MEG3: variants seen among roughly 807,000 people sequenced by gnomAD.
MEG3 encodes maternally expressed 3.
At chr14:100,836,852 T>A (rs747776683) in intron 2 of MEG3, among the ~76,000 whole-genome samples, 20 of 152,334 alleles carry the variant, frequency 1.3e-4, no homozygotes, top group Middle Eastern at 3.4e-3. Flanking sequence ...CAAGTTCTTC[T>A]CTTTCCTCCT....
At chr14:100,836,845 G>A (rs2037599716) in intron 2 of MEG3, among the ~76,000 whole-genome samples, 2 of 152,162 alleles carry the variant, frequency 1.3e-5, no homozygotes, top group Non-Finnish European at 2.9e-5. Flanking sequence ...TTTTGAGCAA[G>A]TTCTTCTCTT....
At chr14:100,840,718 A>T (rs1595278385) in intron 2 of MEG3, among the ~76,000 whole-genome samples, 1 of 152,328 alleles carries the variant, frequency 6.6e-6, no homozygotes, top group African/African-American at 2.4e-5. Context: ...TTTCTTAGCA[A>T]AGGGGAATCA....
At chr14:100,842,578 G>T (rs931397296) in intron 2 of MEG3, among the ~76,000 whole-genome samples, 1 of 152,206 alleles carries the variant, frequency 6.6e-6, no homozygotes, top group African/African-American at 2.4e-5. Context: ...CAACAGGTAG[G>T]AAGTACGAGA....
At chr14:100,860,784 C>T (rs965032152) in exon 2 of MEG3, 5 of 445,202 alleles carry the variant, frequency 1.1e-5, no homozygotes, top group African/African-American at 4.0e-5. Flanking sequence ...AGTAGAGACC[C>T]GCCCTCTGAC....
Position 100,837,473 on chromosome 14 carries a change from C to T in MEG3, n.3045+1173C>T, listed in dbSNP as rs2037620080. On this transcript the variant is annotated intron_variant and non_coding_transcript_variant, in intron 2 of 3. Transcript: ENST00000398461. The surrounding 1 kb of genome is among the most constrained non-coding windows in gnomAD (Gnocchi z 5.8). The stretch of plus-strand genomic sequence containing the variant: ...GTGGGGTGAGGCTGGCTCCATTCCC[C>T]CAGACATTTATGGAGGCTTGAGGGG... 6.6e-6 allele frequency among the ~76,000 whole-genome samples: 1 copy of T among 152,164 alleles called. No individual in the cohort carries two copies. Among genetic ancestry groups the T allele is most frequent in the South Asian group, 2.1e-4 (1 of 4,834 alleles).
chr14:100,854,018 TG>T (rs1349315088), upstream of MEG3: 2 of 152,110 alleles, frequency 1.3e-5, no homozygotes, highest in East Asian at 3.9e-4. Context: ...GATAAGAGGG[TG>T]GAAGGATAGG....
intron 1 of MEG3, chr14:100,835,966 A>C: frequency 3.0e-6 from 1 of 329,832 alleles, no homozygotes; most frequent in Non-Finnish European, 5.8e-6. Context: ...CTCCCCACTC[A>C]GTTCTGGATT....
chr14:100,859,654 C>T (rs976822195), exon 1 of MEG3: 6 of 146,434 alleles, frequency 4.1e-5, no homozygotes, highest in African/African-American at 1.2e-4. Flanking sequence ...TCCAGAAAAC[C>T]GGGGGTGGAG....
At chr14:100,828,445 C>T (rs2037310167) in intron 1 of MEG3, among the ~76,000 whole-genome samples, 1 of 146,680 alleles carries the variant, frequency 6.8e-6, no homozygotes, top group South Asian at 2.2e-4. Context: ...TTTCCTCTTC[C>T]CTCCTCCCTC....
At chr14:100,840,923 C>T (rs1345750075) in intron 2 of MEG3, among the ~76,000 whole-genome samples, 1 of 152,216 alleles carries the variant, frequency 6.6e-6, no homozygotes, top group African/African-American at 2.4e-5. Context: ...CCTTCTGCCA[C>T]CCCAGCCCTT....
intron 3 of MEG3, chr14:100,848,799 G>C (rs2037989401): frequency 6.6e-6 from 1 of 151,988 alleles, no homozygotes; most frequent in Admixed American, 6.5e-5. Context: ...AAAGGAGTGA[G>C]GAATGGGAAA....
At chr14:100,843,246 C>A (rs201815256) in intron 2 of MEG3, among the ~76,000 whole-genome samples, 1 of 152,086 alleles carries the variant, frequency 6.6e-6, no homozygotes, top group Non-Finnish European at 1.5e-5. Context: ...CAAAAAAGAA[C>A]AAAACAAAAA....
chr14:100,832,916 G>A (rs948503731), downstream of MEG3: 1 of 152,264 alleles, frequency 6.6e-6, no homozygotes, highest in Non-Finnish European at 1.5e-5. Context: ...GACTGGGGGG[G>A]CCACTGGTGA....
At chr14:100,843,657 G>A (rs1042827459) in intron 2 of MEG3, among the ~76,000 whole-genome samples, 1 of 152,120 alleles carries the variant, frequency 6.6e-6, no homozygotes, top group African/African-American at 2.4e-5. Context: ...CCGGGTCTTG[G>A]ACATCCTGGC....
At chr14:100,840,564 C>T (rs1281580418) in intron 2 of MEG3, among the ~76,000 whole-genome samples, 1 of 152,142 alleles carries the variant, frequency 6.6e-6, no homozygotes, top group East Asian at 1.9e-4. Flanking sequence ...GTGTGTGTTC[C>T]CTCCCAGGGG....
upstream of MEG3, chr14:100,852,639 G>A (rs966871555): frequency 3.2e-6 from 1 of 315,388 alleles, no homozygotes; most frequent in Admixed American, 4.2e-5. Context: ...GTTCAGGGCA[G>A]AAGAAGACCG....
chr14:100,838,851 C>G (rs548837442), intron 2 of MEG3, among the ~76,000 whole-genome samples: 1 of 152,094 alleles, frequency 6.6e-6, no homozygotes, highest in African/African-American at 2.4e-5. Context: ...ACCCCTCATT[C>G]GCTCACTCGC....
intron 2 of MEG3, among the ~76,000 whole-genome samples, chr14:100,839,983 T>C (rs1344877873): frequency 6.6e-6 from 1 of 152,184 alleles, no homozygotes; most frequent in African/African-American, 2.4e-5. Context: ...TGATGAGGAC[T>C]TGGGACATAT....
chr14:100,849,858 A>G (rs1348990911), intron 3 of MEG3: 1 of 152,238 alleles, frequency 6.6e-6, no homozygotes, highest in East Asian at 1.9e-4. Flanking sequence ...AGGTTGTCTG[A>G]ACAGGGATTA....
Sources: gnomAD v4.1 joint callset for allele counts (sites outside exome capture counted in the v4.1 genomes callset) on GRCh38, gnomAD v4.1.1 for gene constraint, Gnocchi (gnomAD v3.1) non-coding constraint, MANE v1.5 for transcripts, NCBI Gene and HGNC (gene_info 2026-07-23, HGNC 2026-07-21) for gene names.